The following ZDHHC2 variants were observed in gnomAD, a reference collection of about 807,000 sequenced individuals.
The protein encoded by ZDHHC2 is zDHHC palmitoyltransferase 2.
ZDHHC2 carries 51 observed loss-of-function variants against 55.6 expected under a neutral mutation model. That is an observed-to-expected ratio of 0.92 (90% confidence interval 0.73 to 1.16). The LOEUF is 1.16. Among genes scored for constraint, ZDHHC2 ranks in the 50% most tolerant of loss-of-function variants. The pLI is 0.00. For synonymous variants in ZDHHC2, 199 were observed against 152.9 expected, an observed-to-expected ratio of 1.30 and a Z score of -2.22; for missense variants, 491 against 442.4, an observed-to-expected ratio of 1.11 and a Z score of -0.99.
In ZDHHC2 at chr8:17,221,760, G is replaced by T. The variant is rs1257199429; in HGVS notation, c.*1539G>T. The T allele has an allele frequency of 2.6e-5, 4 of 152,450 alleles. No individual in the cohort carries two copies. In the East Asian group the frequency reaches 5.8e-4, roughly 22 times the overall value. The allele number at this position is 152,450 out of a possible 1,614,324, so 9.4% of individuals were successfully genotyped here. On this transcript the variant is annotated 3_prime_UTR_variant, in exon 13 of 13. Transcript: ENST00000262096. ...TCTTTGAACAATAGAAATATCTGCA[G>T]TCTTTCACAGATTTGTATTATGCTG... is the stretch of plus-strand genomic sequence containing the variant.
At position 17,210,488 on chromosome 8, in the gene ZDHHC2, C is replaced by A. The variant is rs771115568; in HGVS notation, c.950+8C>A. ...GAATTCCACAGCTAAAAAGTAATCT[C>A]ATATTTTTTTTCATTTTACTTTCAA... is the stretch of plus-strand genomic sequence containing the variant. On this transcript the variant is annotated splice_region_variant and intron_variant, in intron 10 of 12. Transcript: ENST00000262096. 17 of 1,593,376 alleles carry A rather than the reference C, an allele frequency of 1.1e-5. No individual in the cohort carries two copies. Among genetic ancestry groups the A allele is most frequent in the Non-Finnish European group, 1.7e-6 (2 of 1,170,890 alleles).
intron 1 of ZDHHC2, among the ~76,000 whole-genome samples, chr8:17,160,912 G>C (rs1354587129): frequency 1.3e-5 from 2 of 152,222 alleles, no homozygotes; most frequent in African/African-American, 4.8e-5. Context: ...AGTTTGCTGA[G>C]CTTTGGAGTA....
chr8:17,219,864 A>G (rs1482633073), intron 12 of ZDHHC2, among the ~76,000 whole-genome samples: 1 of 152,196 alleles, frequency 6.6e-6, no homozygotes, highest in Non-Finnish European at 1.5e-5. Flanking sequence ...TTCCTGACTC[A>G]GTTGCCACTC....
chr8:17,203,538 T>C (rs893552036), intron 6 of ZDHHC2, among the ~76,000 whole-genome samples: 1 of 151,996 alleles, frequency 6.6e-6, no homozygotes, highest in African/African-American at 2.4e-5. Flanking sequence ...CCACCCATAT[T>C]GTCCAAAGTT....
intron 1 of ZDHHC2, among the ~76,000 whole-genome samples, chr8:17,176,222 C>CA (rs1805124389): frequency 6.6e-6 from 1 of 151,922 alleles, no homozygotes; most frequent in East Asian, 2.0e-4. Flanking sequence ...TGCCTTGCCC[C>CA]GTGTTTGTGG....
chr8:17,211,965 GT>G (rs554968540), intron 10 of ZDHHC2, among the ~76,000 whole-genome samples: 2 of 151,756 alleles, frequency 1.3e-5, no homozygotes, highest in South Asian at 2.1e-4. Context: ...TGCCCTTTGT[GT>G]TTTTTTTAAT....
intron 12 of ZDHHC2, among the ~76,000 whole-genome samples, chr8:17,219,659 C>A (rs561502122): frequency 1.3e-5 from 2 of 152,086 alleles, no homozygotes; most frequent in Admixed American, 1.3e-4. Flanking sequence ...CCAGCCACTC[C>A]AGAGGCTGAG....
chr8:17,199,588 CTTT>C lies in ZDHHC2; in HGVS notation c.476+1176_476+1178del, dbSNP rs1563161561. ...TCTTCGTCTTTGTCTTCTTCTTCTT[CTTT>C]CTTCTTCTTTATTCTTTCTTCTTCT... On this transcript the variant is annotated intron_variant, in intron 6 of 12. Coordinates refer to ENST00000262096, the MANE Select transcript of ZDHHC2 (RefSeq NM_016353.5). Among the ~76,000 whole-genome samples the C allele has an allele frequency of 4.0e-3, 137 of 34,210 alleles. 9 individuals carry two copies. Among genetic ancestry groups the C allele is most frequent in the Non-Finnish European group, 0.013 (111 of 8,778 alleles). The allele number at this position is 34,210 out of a possible 152,430, so 22.4% of individuals were successfully genotyped here.
chr8:17,212,352 A>G (rs777093800), intron 10 of ZDHHC2, among the ~76,000 whole-genome samples: 2 of 152,110 alleles, frequency 1.3e-5, no homozygotes, highest in Non-Finnish European at 2.9e-5. Context: ...ATTCCCAGCC[A>G]TGTGTACCCT....
rs376503216 is a variant in ZDHHC2 at position 17,197,708 on chromosome 8, A to T, written c.443+57A>T. ...CATGCTGGTGGTCTTTTTCTTCATTATGTTTCTTTTCTCACTGTTTTCCTG... is the reference window on the plus strand; with the variant it reads ...CATGCTGGTGGTCTTTTTCTTCATTTTGTTTCTTTTCTCACTGTTTTCCTG... On this transcript the variant is annotated intron_variant, in intron 5 of 12. Transcript: ENST00000262096. The T allele has an allele frequency of 2.7e-5, 40 of 1,503,012 alleles. No individual in the cohort carries two copies. In the African/African-American group the frequency reaches 4.9e-4, roughly 18 times the overall value. 93.1% of individuals were successfully genotyped at this position (1,503,012 alleles called of 1,614,324 possible).
chr8:17,199,948 G>A (rs200923006), intron 6 of ZDHHC2, among the ~76,000 whole-genome samples: 13 of 151,758 alleles, frequency 8.6e-5, no homozygotes, highest in South Asian at 2.1e-4. Context: ...TAGTAGAGTC[G>A]GTTTCACCAT....
chr8:17,183,705 T>G (rs1805551805), intron 1 of ZDHHC2, among the ~76,000 whole-genome samples: 1 of 152,162 alleles, frequency 6.6e-6, no homozygotes. Flanking sequence ...TTGCTATGGT[T>G]TGGAAGCCTC....
intron 3 of ZDHHC2, among the ~76,000 whole-genome samples, chr8:17,195,170 T>TG (rs1307075675): frequency 1.3e-5 from 2 of 152,216 alleles, no homozygotes; most frequent in African/African-American, 4.8e-5. Context: ...GTTTATTCAT[T>TG]GGGCCATCTT....
intron 1 of ZDHHC2, 49 bp downstream of exon 1, chr8:17,156,902 C>A: frequency 1.4e-6 from 2 of 1,460,298 alleles, no homozygotes; most frequent in Non-Finnish European, 1.8e-6. Flanking sequence ...CAGCCCACCC[C>A]GACTGTCCCG....
intron 1 of ZDHHC2, among the ~76,000 whole-genome samples, chr8:17,178,283 G>A (rs1165425403): frequency 1.3e-5 from 2 of 152,150 alleles, no homozygotes; most frequent in East Asian, 3.9e-4. Flanking sequence ...ATGTACGAGT[G>A]GAATAACCGT....
chr8:17,201,829 G>T (rs1365219308), intron 6 of ZDHHC2, among the ~76,000 whole-genome samples: 4 of 152,002 alleles, frequency 2.6e-5, no homozygotes, highest in African/African-American at 9.6e-5. Flanking sequence ...TTTTAAACAG[G>T]TATTTTGAAC....
rs1807895142 is a variant in ZDHHC2 at position 17,221,018 on chromosome 8, CTTTT to C, written c.*798_*801del. On this transcript the variant is annotated 3_prime_UTR_variant, in exon 13 of 13. Coordinates refer to ENST00000262096, the MANE Select transcript of ZDHHC2 (RefSeq NM_016353.5). ...ATTATGAAGATTGTTTTATGACATT[CTTTT>C]GTCAGTTTGGCTTTCTAAAAATCTC... is the stretch of plus-strand genomic sequence containing the variant. 6.6e-6 allele frequency: 1 copy of C among 152,176 alleles called. No homozygotes were observed. Among genetic ancestry groups the C allele is most frequent in the Admixed American group, 6.6e-5 (1 of 15,262 alleles). 9.4% of individuals were successfully genotyped at this position (152,176 alleles called of 1,614,324 possible).
intron 9 of ZDHHC2, 135 bp downstream of exon 9, chr8:17,210,193 A>G (rs905506491): frequency 1.9e-5 from 22 of 1,153,754 alleles, no homozygotes; most frequent in African/African-American, 1.3e-4. Flanking sequence ...ATATTATTCT[A>G]TGATTCACCA....
chr8:17,175,118 A>G (rs1416612369), intron 1 of ZDHHC2, among the ~76,000 whole-genome samples: 1 of 152,068 alleles, frequency 6.6e-6, no homozygotes, highest in Non-Finnish European at 1.5e-5. Flanking sequence ...TTAGCTCAGT[A>G]TAGCTGTTTA....
Sources: gnomAD v4.1 joint callset for allele counts (sites outside exome capture counted in the v4.1 genomes callset) on GRCh38, gnomAD v4.1.1 for gene constraint, MANE v1.5 for transcripts, NCBI Gene and HGNC (gene_info 2026-07-23, HGNC 2026-07-21) for gene names.